Variants in CSMD3 observed in about 807,000 individuals in gnomAD.
The protein encoded by CSMD3 is CUB and sushi domain-containing protein 3.
In CSMD3, 177 loss-of-function variants were observed where a neutral mutation model predicts 435.2. That is an observed-to-expected ratio of 0.41 (90% confidence interval 0.36 to 0.46). The LOEUF (loss-of-function observed/expected upper bound fraction) is 0.46, where lower values mean the gene tolerates loss of function less well. Among genes scored for constraint, CSMD3 ranks in the 20% least tolerant of loss-of-function variants. The pLI, the probability that CSMD3 is intolerant of heterozygous loss-of-function variation, is 0.34. For missense variants in CSMD3, 4,265 were observed against 4,504.6 expected, an observed-to-expected ratio of 0.95 and a Z score of 1.52; for synonymous variants, 1,656 against 1,520.5, an observed-to-expected ratio of 1.09 and a Z score of -2.07.
chr8:112,769,966 T>C (rs2078070917), intron 13 of CSMD3, among the ~76,000 whole-genome samples: 1 of 151,946 alleles, frequency 6.6e-6, no homozygotes, highest in Admixed American at 6.6e-5. Context: ...TGAACCAAAA[T>C]TAAATTAGAT....
chr8:112,712,292 G>A (rs1026796498), intron 13 of CSMD3, among the ~76,000 whole-genome samples: 2 of 152,140 alleles, frequency 1.3e-5, no homozygotes, highest in African/African-American at 4.8e-5. Context: ...GGGAGAAGGG[G>A]TAATTAAAAT....
intron 8 of CSMD3, among the ~76,000 whole-genome samples, chr8:112,948,086 A>T (rs976999897): frequency 2.9e-5 from 4 of 136,676 alleles, no homozygotes; most frequent in African/African-American, 1.2e-4. Flanking sequence ...TTTGCTGTTC[A>T]TATTCAATGA....
chr8:113,288,972 C>A (rs574386420), intron 2 of CSMD3, among the ~76,000 whole-genome samples: 1 of 151,558 alleles, frequency 6.6e-6, no homozygotes, highest in Admixed American at 6.6e-5. Flanking sequence ...GATGATGAAC[C>A]CACCCAAGGT....
At chr8:112,410,690 A>ATATATATATGTGTATATATATATG (rs1563913586) in intron 32 of CSMD3, among the ~76,000 whole-genome samples, 173 of 112,526 alleles carry the variant, frequency 1.5e-3, no homozygotes, top group African/African-American at 5.4e-3. Flanking sequence ...ATATATATGT[A>ATATATATATGTGTATATATATATG]TATATATATG....
intron 27 of CSMD3, among the ~76,000 whole-genome samples, chr8:112,523,196 G>T (rs1227297980): frequency 6.6e-6 from 1 of 151,852 alleles, no homozygotes; most frequent in Non-Finnish European, 1.5e-5. Context: ...AGAAGCAGGA[G>T]ACTTAGACTT....
intron 32 of CSMD3, among the ~76,000 whole-genome samples, chr8:112,468,419 T>C (rs1818189605): frequency 6.6e-6 from 1 of 152,040 alleles, no homozygotes; most frequent in Admixed American, 6.6e-5. Flanking sequence ...ATCCTATATA[T>C]TTATGTTTCT....
chr8:113,244,093 C>T (rs954778811), intron 3 of CSMD3, among the ~76,000 whole-genome samples: 4 of 151,972 alleles, frequency 2.6e-5, no homozygotes, highest in Non-Finnish European at 5.9e-5. Flanking sequence ...ATATTTTCTC[C>T]ATTTCTATGG....
intron 10 of CSMD3, among the ~76,000 whole-genome samples, chr8:112,883,220 C>T (rs1420831304): frequency 1.3e-5 from 2 of 151,844 alleles, no homozygotes; most frequent in East Asian, 1.9e-4. Context: ...ATGAAATCTT[C>T]GATTTTCAAA....
At chr8:112,432,558 C>T (rs1813834395) in intron 32 of CSMD3, among the ~76,000 whole-genome samples, 1 of 152,048 alleles carries the variant, frequency 6.6e-6, no homozygotes, top group Non-Finnish European at 1.5e-5. Context: ...AGTTTTCCTC[C>T]TGCCTTGTCC....
chr8:112,657,787 T>C (rs1005394025), intron 17 of CSMD3, among the ~76,000 whole-genome samples: 1 of 152,216 alleles, frequency 6.6e-6, no homozygotes, highest in Admixed American at 6.5e-5. Context: ...AGCTTAAATA[T>C]GCGAACAGCA....
chr8:112,613,531 G>A (rs540441861), intron 22 of CSMD3, among the ~76,000 whole-genome samples: 3 of 152,136 alleles, frequency 2.0e-5, no homozygotes, highest in African/African-American at 4.8e-5. Context: ...AACCAAATTG[G>A]TTGTAAACCA....
chr8:113,113,492 T>C (rs2090727522), intron 4 of CSMD3, among the ~76,000 whole-genome samples: 2 of 152,076 alleles, frequency 1.3e-5, no homozygotes, highest in African/African-American at 2.4e-5. Context: ...AAGCAACAAA[T>C]AATGTTTTTA....
At chr8:112,956,998 A>G (rs2084042124) in intron 7 of CSMD3, among the ~76,000 whole-genome samples, 1 of 152,170 alleles carries the variant, frequency 6.6e-6, no homozygotes, top group East Asian at 1.9e-4. Context: ...AAAATTTAAA[A>G]TATGTTAAAC....
chr8:112,391,728 G>T (rs1464434848), intron 35 of CSMD3, among the ~76,000 whole-genome samples: 1 of 151,714 alleles, frequency 6.6e-6, no homozygotes, highest in Admixed American at 6.6e-5. Context: ...TCTGAATCCT[G>T]GCAGTTGAAG....
At chr8:113,124,178 G>T (rs924543643) in intron 4 of CSMD3, among the ~76,000 whole-genome samples, 2 of 151,910 alleles carry the variant, frequency 1.3e-5, no homozygotes, top group African/African-American at 4.8e-5. Context: ...GAGGCAAAAA[G>T]AATAATAGAA....
intron 20 of CSMD3, among the ~76,000 whole-genome samples, chr8:112,641,633 T>C (rs1441309669): frequency 6.6e-6 from 1 of 151,968 alleles, no homozygotes; most frequent in Non-Finnish European, 1.5e-5. Flanking sequence ...ATCCAGAAGT[T>C]TGAGATCAGC....
chr8:112,998,481 C>T (rs1373801908), intron 6 of CSMD3, among the ~76,000 whole-genome samples: 1 of 152,044 alleles, frequency 6.6e-6, no homozygotes, highest in Admixed American at 6.6e-5. Context: ...AAATCATCTC[C>T]TGACTCTACA....
intron 1 of CSMD3, among the ~76,000 whole-genome samples, chr8:113,414,811 C>T (rs761239157): frequency 1.3e-5 from 2 of 151,780 alleles, no homozygotes; most frequent in Admixed American, 6.6e-5. Context: ...TAATACAAAA[C>T]AAATAATTAG....
At chr8:112,453,356 AC>A (rs1263720427) in intron 32 of CSMD3, among the ~76,000 whole-genome samples, 1 of 152,180 alleles carries the variant, frequency 6.6e-6, no homozygotes, top group African/African-American at 2.4e-5. Context: ...TCATACACCT[AC>A]AAAACACCAA....
Sources: allele counts gnomAD v4.1 joint callset (sites outside exome capture counted in the v4.1 genomes callset), GRCh38; gene constraint gnomAD v4.1.1; transcripts MANE v1.5; gene names NCBI Gene and HGNC (gene_info 2026-07-23, HGNC 2026-07-21).